The following TMEM132D variants were observed in gnomAD, a reference collection of about 807,000 sequenced individuals.
TMEM132D encodes transmembrane protein 132D, also known as mature OL transmembrane protein.
Under a neutral mutation model 62.3 loss-of-function variants are expected in TMEM132D, and 21 were observed. The ratio of observed to expected loss-of-function variants is 0.34; its 90% CI spans 0.24 to 0.49. TMEM132D has a LOEUF of 0.49. TMEM132D is among the 20% of genes least tolerant of loss of function. TMEM132D has a pLI of 0.99. For missense variants in TMEM132D, 1,346 were observed against 1,402.8 expected, an observed-to-expected ratio of 0.96 and a Z score of 0.65; for synonymous variants, 621 against 575.6, an observed-to-expected ratio of 1.08 and a Z score of -1.13.
Position 129,191,777 on chromosome 12 carries a change from A to G in TMEM132D, c.1443+17743T>C, listed in dbSNP as rs12307675. On this transcript the variant is annotated intron_variant, in intron 5 of 8. Transcript: ENST00000422113. Reference sequence around the variant, plus strand: ...ACACACACACAGAACACACACACACACATACACACACACACACGAAATATC... The same window carrying G: ...ACACACACACAGAACACACACACACGCATACACACACACACACGAAATATC... Among the ~76,000 whole-genome samples the G allele has an allele frequency of 5.6e-3, 837 of 150,406 alleles. 19 individuals are homozygous for G. The highest frequency in any genetic ancestry group is 0.042 in the East Asian group (212 of 5,076).
chr12:129,719,214 G>A (rs866016042), intron 1 of TMEM132D, among the ~76,000 whole-genome samples: 14 of 151,900 alleles, frequency 9.2e-5, no homozygotes, highest in Admixed American at 2.0e-4. Context: ...AGCCGAGATC[G>A]CACGACTACA....
intron 2 of TMEM132D, among the ~76,000 whole-genome samples, chr12:129,574,597 T>A (rs1045615629): frequency 6.6e-6 from 1 of 151,574 alleles, no homozygotes; most frequent in Non-Finnish European, 1.5e-5. Flanking sequence ...AGCACAGGGG[T>A]GAGATGTTAT....
chr12:129,547,392 C>T (rs917981940), intron 2 of TMEM132D, among the ~76,000 whole-genome samples: 2 of 152,094 alleles, frequency 1.3e-5, no homozygotes, highest in Non-Finnish European at 2.9e-5. Flanking sequence ...GAGTGAGCCA[C>T]GGTGCCTGGC....
intron 2 of TMEM132D, among the ~76,000 whole-genome samples, chr12:129,578,033 G>C (rs1410467197): frequency 2.0e-5 from 3 of 152,064 alleles, no homozygotes; most frequent in East Asian, 1.9e-4. Context: ...GCAGACGAAG[G>C]GTCCATTTTC....
Position 129,700,572 on chromosome 12 carries a change from A to C in TMEM132D, c.206T>G (p.Ile69Ser). 6.2e-7 allele frequency: 1 copy of C among 1,613,948 alleles called. No individual in the cohort carries two copies. Among genetic ancestry groups the C allele is most frequent in the Non-Finnish European group, 8.5e-7 (1 of 1,180,014 alleles). Residue 69 changes from isoleucine (I) to serine (S), a missense_variant, in exon 2 of 9, where the codon ATC becomes AGC. Coordinates refer to ENST00000422113, the MANE Select transcript of TMEM132D (RefSeq NM_133448.3). ...SFFLKEANQD[I>S]MRNSSLQSRV... ...GGACTGCAGGCTGGAGTTCCTCATG[A>C]TATCCTGGTTGGCCTCCTTCAGGAA...
At chr12:129,221,797 T>A (rs1879352984) in intron 4 of TMEM132D, among the ~76,000 whole-genome samples, 1 of 152,192 alleles carries the variant, frequency 6.6e-6, no homozygotes, top group African/African-American at 2.4e-5. Flanking sequence ...TTTGAGCCCC[T>A]ACTCCTACCC....
chr12:129,273,319 T>C (rs1880908840), intron 4 of TMEM132D, among the ~76,000 whole-genome samples: 1 of 151,624 alleles, frequency 6.6e-6, no homozygotes, highest in Admixed American at 6.6e-5. Context: ...TGTCAAGCAC[T>C]GTGGAAAGAA....
rs774723649 is a variant in TMEM132D, at chr12:129,081,949, C to T, written c.1733G>A (p.Arg578Gln). Residue 578 changes from arginine to glutamine, a missense_variant, in exon 7 of 9, where the codon CGG becomes CAG. Arg to Gln is a conservative substitution (Grantham distance 43). Coordinates refer to ENST00000422113, the MANE Select transcript of TMEM132D (RefSeq NM_133448.3). ...CTCAGCCACAAACTGCGTCAGGACC[C>T]GCACCATGGCGTGCTGGTACTGCAG... The part of the protein sequence containing the change: ...CTLQYQHAMV[R>Q]VLTQFVAEAA... The T allele has an allele frequency of 2.3e-5, 37 of 1,614,046 alleles. No homozygotes were observed. Among genetic ancestry groups the T allele is most frequent in the Non-Finnish European group, 2.7e-5 (32 of 1,180,030 alleles).
At chr12:129,734,771 G>A (rs918666512) in intron 1 of TMEM132D, among the ~76,000 whole-genome samples, 41 of 152,092 alleles carry the variant, frequency 2.7e-4, no homozygotes, top group African/African-American at 9.7e-4. Context: ...CTAAAGTATT[G>A]GAGAAGGTGG....
At chr12:129,223,874 C>G (rs1593301805) in intron 4 of TMEM132D, among the ~76,000 whole-genome samples, 1 of 152,182 alleles carries the variant, frequency 6.6e-6, no homozygotes, top group Admixed American at 6.5e-5. Flanking sequence ...TATACTCTTA[C>G]AAATATTGTT....
intron 1 of TMEM132D, among the ~76,000 whole-genome samples, chr12:129,744,424 C>T (rs905937721): frequency 2.6e-5 from 4 of 152,034 alleles, no homozygotes; most frequent in African/African-American, 7.3e-5. Context: ...TTCATATTGC[C>T]CCAGCTGGAG....
intron 2 of TMEM132D, among the ~76,000 whole-genome samples, chr12:129,571,689 G>T (rs1877518513): frequency 6.6e-6 from 1 of 152,114 alleles, no homozygotes; most frequent in Admixed American, 6.5e-5. Context: ...CGAAAAAGGG[G>T]CACTGCCAAA....
At chr12:129,804,946 T>A (rs1209352372) in intron 1 of TMEM132D, among the ~76,000 whole-genome samples, 135 of 117,586 alleles carry the variant, frequency 1.1e-3, no homozygotes, top group African/African-American at 4.2e-3. Context: ...TCACAATTGC[T>A]TCAAAGAGAA....
chr12:129,251,213 G>A (rs1337528930), intron 4 of TMEM132D, among the ~76,000 whole-genome samples: 1 of 151,968 alleles, frequency 6.6e-6, no homozygotes, highest in Non-Finnish European at 1.5e-5. Context: ...AAAAAAATTA[G>A]CCGGGTGTGG....
chr12:129,455,060 A>T (rs1873423745), intron 3 of TMEM132D, among the ~76,000 whole-genome samples: 1 of 152,252 alleles, frequency 6.6e-6, no homozygotes, highest in African/African-American at 2.4e-5. Flanking sequence ...GCATGTGACC[A>T]AAAGCTCAGA....
At chr12:129,398,590 G>C (rs995818733) in intron 3 of TMEM132D, among the ~76,000 whole-genome samples, 2 of 152,178 alleles carry the variant, frequency 1.3e-5, no homozygotes, top group Non-Finnish European at 2.9e-5. Context: ...GGAGGGGGTT[G>C]GCTATGCATG....
intron 3 of TMEM132D, among the ~76,000 whole-genome samples, chr12:129,397,183 C>A (rs1394728751): frequency 6.6e-6 from 1 of 152,184 alleles, no homozygotes. Context: ...GCTCACCTCT[C>A]TCAGAACATC....
chr12:129,717,654 C>T lies in TMEM132D; in HGVS notation c.80-16956G>A, dbSNP rs1868638999. Among the ~76,000 whole-genome samples, 4 of 148,560 alleles carry T rather than the reference C, an allele frequency of 2.7e-5. No homozygotes were observed. In the South Asian group the frequency reaches 6.4e-4, roughly 24 times the overall value. ...TGTGTCCAGTGTGATTCAATGTCTCCCTGGAAAAATAATTTTTTAAATTTT... is the reference window on the plus strand; with the variant it reads ...TGTGTCCAGTGTGATTCAATGTCTCTCTGGAAAAATAATTTTTTAAATTTT... On this transcript the variant is annotated intron_variant, in intron 1 of 8. Coordinates refer to ENST00000422113, the MANE Select transcript of TMEM132D (RefSeq NM_133448.3).
Position 129,119,026 on chromosome 12 carries a change from C to T in TMEM132D, c.1444-34324G>A, listed in dbSNP as rs560744053. 1.1e-3 allele frequency among the ~76,000 whole-genome samples: 175 copies of T among 152,298 alleles called. 1 individual carries two copies. The highest frequency in any genetic ancestry group is 6.2e-3 in the South Asian group (30 of 4,826). ...CGGAACAGCCTTCTCAAGAGAGGGG[C>T]AATGACATCTACGCTGCCCTTGCCT... On this transcript the variant is annotated intron_variant, in intron 5 of 8. Transcript: ENST00000422113.
Sources: gnomAD v4.1 joint callset for allele counts (sites outside exome capture counted in the v4.1 genomes callset) on GRCh38, gnomAD v4.1.1 for gene constraint, MANE v1.5 for transcripts, NCBI Gene and HGNC (gene_info 2026-07-23, HGNC 2026-07-21) for gene names.